Variants in NLGN1 observed in about 807,000 individuals in gnomAD.
The protein encoded by NLGN1 is neuroligin-1.
NLGN1 carries 12 observed loss-of-function variants against 65.5 expected under a neutral mutation model. The ratio of observed to expected loss-of-function variants is 0.18; its 90% confidence interval spans 0.12 to 0.30. The LOEUF (loss-of-function observed/expected upper bound fraction) is 0.30. Ranked by LOEUF, NLGN1 falls within the 10% of genes least tolerant of loss-of-function variation. The pLI, the probability that NLGN1 is intolerant of heterozygous loss-of-function variation, is 1.00. For synonymous variants in NLGN1, 350 were observed against 359.5 expected, an observed-to-expected ratio of 0.97 and a Z score of 0.30; for missense variants, 750 against 1,007.1, an observed-to-expected ratio of 0.74 and a Z score of 3.46.
At chr3:173,689,876 C>T (rs550317069) in intron 3 of NLGN1, among the ~76,000 whole-genome samples, 40 of 152,196 alleles carry the variant, frequency 2.6e-4, no homozygotes, top group African/African-American at 9.4e-4. Flanking sequence ...TAGACATGAT[C>T]CCTTACTTCT....
intron 3 of NLGN1, among the ~76,000 whole-genome samples, chr3:173,632,286 C>T (rs1389799465): frequency 1.3e-5 from 2 of 152,158 alleles, no homozygotes; most frequent in Non-Finnish European, 2.9e-5. Context: ...TTTGTTGTGA[C>T]ATGGGGCTTC....
At chr3:173,700,838 C>T (rs981256884) in intron 3 of NLGN1, among the ~76,000 whole-genome samples, 1 of 151,972 alleles carries the variant, frequency 6.6e-6, no homozygotes, top group African/African-American at 2.4e-5. Context: ...ATAAAAGTGC[C>T]AGAAAGGCCG....
At chr3:174,178,622 T>G (rs987247567) in intron 4 of NLGN1, among the ~76,000 whole-genome samples, 21 of 152,086 alleles carry the variant, frequency 1.4e-4, no homozygotes, top group African/African-American at 4.8e-4. Flanking sequence ...AGACTAATAA[T>G]GCAGGGAATA....
intron 1 of NLGN1, among the ~76,000 whole-genome samples, chr3:173,411,514 A>G (rs1013846870): frequency 6.6e-6 from 1 of 152,122 alleles, no homozygotes; most frequent in Non-Finnish European, 1.5e-5. Context: ...TGGCCCTGTC[A>G]AGGTCCATTA....
At chr3:173,512,072 G>T (rs948767439) in intron 2 of NLGN1, among the ~76,000 whole-genome samples, 1 of 152,140 alleles carries the variant, frequency 6.6e-6, no homozygotes, top group Non-Finnish European at 1.5e-5. Context: ...CTCCAGGCAG[G>T]CCCATGGGAG....
In NLGN1 at chr3:173,663,028, T is replaced by A. The variant is rs182278299; in HGVS notation, c.493+57937T>A. 5.2e-4 allele frequency among the ~76,000 whole-genome samples: 79 copies of A among 152,142 alleles called. 1 individual carries two copies. The East Asian group carries it at 0.014, about 26-fold the overall frequency. On this transcript the variant is annotated intron_variant, in intron 3 of 6. Coordinates refer to ENST00000457714, the Ensembl canonical transcript of NLGN1. ...TTTATTATGCATTTTAAAAGCATCA[T>A]TTGATACTTAACTATAAATAATTAT...
chr3:173,800,230 A>C, intron 3 of NLGN1: 1 of 473,114 alleles, frequency 2.1e-6, no homozygotes, highest in Non-Finnish European at 3.2e-6. Flanking sequence ...TTTTCCCCTC[A>C]GTCTTGTTTA....
intron 4 of NLGN1, among the ~76,000 whole-genome samples, chr3:174,161,187 T>C (rs932354156): frequency 6.7e-6 from 1 of 148,288 alleles, no homozygotes; most frequent in South Asian, 2.1e-4. Flanking sequence ...AAATCTGTGA[T>C]GGAAAACTTC....
At chr3:174,175,231 G>A (rs114348552) in intron 4 of NLGN1, among the ~76,000 whole-genome samples, 17 of 151,696 alleles carry the variant, frequency 1.1e-4, no homozygotes, top group Admixed American at 5.9e-4. Flanking sequence ...TGATGAATGC[G>A]GGGGAGTCTC....
At chr3:174,229,761 G>T (rs533326771) in intron 4 of NLGN1, among the ~76,000 whole-genome samples, 1 of 152,142 alleles carries the variant, frequency 6.6e-6, no homozygotes, top group Non-Finnish European at 1.5e-5. Context: ...CTGTAATTGC[G>T]ACTATGTGAT....
chr3:173,931,309 T>C (rs1183622811), intron 4 of NLGN1, among the ~76,000 whole-genome samples: 1 of 151,982 alleles, frequency 6.6e-6, no homozygotes, highest in Non-Finnish European at 1.5e-5. Flanking sequence ...AATTAAAATG[T>C]TAGTGGGTGA....
intron 3 of NLGN1, among the ~76,000 whole-genome samples, chr3:173,746,230 T>C (rs1336871842): frequency 6.6e-6 from 1 of 151,964 alleles, no homozygotes; most frequent in East Asian, 1.9e-4. Flanking sequence ...GAGTTCAAGA[T>C]CAGCCTGAGC....
In NLGN1 at chr3:173,580,480, C is replaced by G. The variant is rs1461142607; in HGVS notation, c.-320-23799C>G. Among the ~76,000 whole-genome samples the G allele has an allele frequency of 2.0e-5, 3 of 151,998 alleles. No individual in the cohort carries two copies. In the South Asian group the frequency reaches 6.2e-4, roughly 32 times the overall value. On this transcript the variant is annotated intron_variant, in intron 2 of 6. Coordinates refer to ENST00000457714, the Ensembl canonical transcript of NLGN1. ...AGCAAGCCCATCTAATGAAGAGATT[C>G]TCTTCATTAGAGAATTTATTCTCTT... is the stretch of plus-strand genomic sequence containing the variant.
intron 3 of NLGN1, among the ~76,000 whole-genome samples, chr3:173,647,558 A>G (rs1236629577): frequency 6.6e-6 from 1 of 152,156 alleles, no homozygotes; most frequent in Non-Finnish European, 1.5e-5. Flanking sequence ...AAAATTCCCA[A>G]ATATTTGAAA....
At chr3:174,050,246 G>A (rs1206896186) in intron 4 of NLGN1, among the ~76,000 whole-genome samples, 1 of 151,934 alleles carries the variant, frequency 6.6e-6, no homozygotes, top group African/African-American at 2.4e-5. Context: ...TCAAAAGGAT[G>A]GGCACCATTG....
chr3:173,942,340 A>G (rs1746306770), intron 4 of NLGN1, among the ~76,000 whole-genome samples: 1 of 152,154 alleles, frequency 6.6e-6, no homozygotes, highest in Non-Finnish European at 1.5e-5. Context: ...TAACCAGAAG[A>G]GCACCCCATT....
chr3:174,004,654 G>T (rs757783751), intron 4 of NLGN1, among the ~76,000 whole-genome samples: 2 of 152,012 alleles, frequency 1.3e-5, no homozygotes, highest in Non-Finnish European at 2.9e-5. Flanking sequence ...GTTATTTTCT[G>T]AATGCAAAGA....
chr3:173,484,384 TA>T lies in NLGN1; in HGVS notation c.-321+49311del, dbSNP rs1207431959. 2.0e-5 allele frequency among the ~76,000 whole-genome samples: 3 copies of T among 152,246 alleles called. No individual in the cohort carries two copies. The East Asian group carries it at 5.8e-4, about 29-fold the overall frequency. ...GGGATGGATTTGTTATAAATTCTCT[TA>T]AAAATTTTCTATTTGTTAAACAAAA... On this transcript the variant is annotated intron_variant, in intron 2 of 6. Coordinates refer to ENST00000457714, the Ensembl canonical transcript of NLGN1.
chr3:173,571,227 T>C (rs953167871), intron 2 of NLGN1, among the ~76,000 whole-genome samples: 1 of 152,236 alleles, frequency 6.6e-6, no homozygotes, highest in Non-Finnish European at 1.5e-5. Flanking sequence ...TTGTTTTAAT[T>C]ATAAAAGAGG....
Sources: gnomAD v4.1 joint callset for allele counts (sites outside exome capture counted in the v4.1 genomes callset) on GRCh38, gnomAD v4.1.1 for gene constraint, MANE v1.5 for transcripts, NCBI Gene and HGNC (gene_info 2026-07-23, HGNC 2026-07-21) for gene names.